The following ELMO1 variants were observed in gnomAD, a reference collection of about 807,000 sequenced individuals.
ELMO1 encodes engulfment and cell motility 1.
Under a neutral mutation model 98.9 loss-of-function variants are expected in ELMO1, and 26 were observed. That is an observed-to-expected ratio of 0.26 (90% CI 0.19 to 0.36). The LOEUF is 0.36. Among genes scored for constraint, ELMO1 ranks in the 10% least tolerant of loss-of-function variants. The pLI is 1.00. For missense variants in ELMO1, 627 were observed against 935.2 expected (o/e 0.67, Z 4.30); for synonymous variants, 346 against 346.0 (o/e 1.00, Z 0.00).
intron 20 of ELMO1, 63 bp from the exon 21 acceptor site, chr7:36,861,799 A>C: frequency 6.6e-7 from 1 of 1,506,026 alleles, no homozygotes; most frequent in Non-Finnish European, 9.2e-7. Context: ...TTGCAGTTGC[A>C]AATGGCTGCA....
intron 17 of ELMO1, among the ~76,000 whole-genome samples, chr7:36,890,187 G>A (rs1048877901): frequency 6.6e-6 from 1 of 152,182 alleles, no homozygotes; most frequent in Non-Finnish European, 1.5e-5. Flanking sequence ...CTATCCAAAG[G>A]TCTTGCCAAT....
chr7:37,009,646 AAAG>A (rs1351906910), intron 16 of ELMO1, among the ~76,000 whole-genome samples: 1 of 152,232 alleles, frequency 6.6e-6, no homozygotes, highest in African/African-American at 2.4e-5. Context: ...GTGAGGAGCT[AAAG>A]AAGACAGATA....
chr7:37,412,022 G>GCT (rs143364186), intron 1 of ELMO1, among the ~76,000 whole-genome samples: 11,386 of 152,082 alleles, frequency 0.075, 591 homozygotes, highest in Non-Finnish European at 0.096. Context: ...TCCTACCTCT[G>GCT]CTCTCTCTCA....
chr7:36,960,522 C>T (rs149135801), intron 16 of ELMO1, among the ~76,000 whole-genome samples: 104 of 152,232 alleles, frequency 6.8e-4, no homozygotes, highest in African/African-American at 2.4e-3. Context: ...AGTTCTGTAG[C>T]TCTCTCTTCA....
At position 37,447,714 on chromosome 7, in the gene ELMO1, CCACACACACA is replaced by C. The variant is rs3054415; in HGVS notation, c.-74+951_-74+960del. Among the ~76,000 whole-genome samples the C allele has an allele frequency of 7.9e-3, 1,041 of 132,230 alleles. 12 individuals are homozygous for C. The highest frequency in any genetic ancestry group is 0.018 in the South Asian group (69 of 3,742). The allele number at this position is 132,230 out of a possible 152,430, so 86.7% of individuals were successfully genotyped here. On this transcript the variant is annotated intron_variant, in intron 1 of 21. Coordinates refer to ENST00000310758, the MANE Select transcript of ELMO1 (RefSeq NM_014800.11). ...ACATACATACGCGCGCGCGCACACACCACACACACACACACACACACACACACACACACAC... is the reference window on the plus strand; with the variant it reads ...ACATACATACGCGCGCGCGCACACACCACACACACACACACACACACACAC...
intron 16 of ELMO1, among the ~76,000 whole-genome samples, chr7:36,950,192 A>C (rs1168664947): frequency 6.6e-6 from 1 of 152,194 alleles, no homozygotes; most frequent in Admixed American, 6.5e-5. Context: ...GGACAGCTGG[A>C]GATGAGCGAC....
intron 6 of ELMO1, among the ~76,000 whole-genome samples, chr7:37,246,563 C>A (rs1476600894): frequency 6.6e-6 from 1 of 152,120 alleles, no homozygotes; most frequent in African/African-American, 2.4e-5. Context: ...CAAAGACATA[C>A]AATATGGGTC....
chr7:37,077,983 A>T (rs17170866), intron 15 of ELMO1, among the ~76,000 whole-genome samples: 2 of 152,018 alleles, frequency 1.3e-5, no homozygotes, highest in African/African-American at 2.4e-5. Context: ...TTATGTCATA[A>T]GTAATGTCTA....
At chr7:37,034,166 T>A (rs1184846617) in intron 15 of ELMO1, among the ~76,000 whole-genome samples, 4 of 152,200 alleles carry the variant, frequency 2.6e-5, no homozygotes, top group African/African-American at 7.2e-5. Context: ...TACCTCAGAA[T>A]GTGACTGTGT....
At chr7:36,953,045 C>T (rs1788118809) in intron 16 of ELMO1, among the ~76,000 whole-genome samples, 1 of 145,870 alleles carries the variant, frequency 6.9e-6, no homozygotes, top group African/African-American at 2.5e-5. Flanking sequence ...GATCTCGGCT[C>T]AGGGCAAGCT....
intron 14 of ELMO1, among the ~76,000 whole-genome samples, chr7:37,131,640 C>G (rs1786927158): frequency 6.6e-6 from 1 of 152,148 alleles, no homozygotes; most frequent in South Asian, 2.1e-4. Context: ...TTACTTACTA[C>G]AAAAGCAGAT....
chr7:37,136,381 G>C lies in ELMO1; in HGVS notation c.1087-3147C>G, dbSNP rs117713548. Among the ~76,000 whole-genome samples, 686 of 152,208 alleles carry C rather than the reference G, an allele frequency of 4.5e-3. 3 individuals carry two copies. Among genetic ancestry groups the C allele is most frequent in the Non-Finnish European group, 7.5e-3 (507 of 68,008 alleles). ...AATACAAGAAGCCCAAAGAACACCT[G>C]GTAAATTCATCACAAAAACATCATC... is the stretch of plus-strand genomic sequence containing the variant. On this transcript the variant is annotated intron_variant, in intron 13 of 21. Coordinates refer to ENST00000310758, the MANE Select transcript of ELMO1 (RefSeq NM_014800.11).
intron 6 of ELMO1, among the ~76,000 whole-genome samples, chr7:37,246,931 TC>T (rs1795046639): frequency 6.6e-6 from 1 of 152,144 alleles, no homozygotes; most frequent in Non-Finnish European, 1.5e-5. Flanking sequence ...TGACTTCCTT[TC>T]CACTGGTGGA....
chr7:37,292,237 C>G (rs1323754360), intron 4 of ELMO1, among the ~76,000 whole-genome samples: 1 of 100,062 alleles, frequency 1.0e-5, no homozygotes, highest in East Asian at 2.4e-4. Flanking sequence ...GACGGAGTCT[C>G]GTTCACTCAG....
intron 15 of ELMO1, among the ~76,000 whole-genome samples, chr7:37,034,866 A>G (rs1222631532): frequency 1.3e-5 from 2 of 152,190 alleles, no homozygotes; most frequent in African/African-American, 4.8e-5. Flanking sequence ...CAATCCAGAA[A>G]AAGTGTTCTT....
chr7:37,426,428 A>G (rs1334712012), intron 1 of ELMO1, among the ~76,000 whole-genome samples: 3 of 152,146 alleles, frequency 2.0e-5, no homozygotes, highest in South Asian at 2.1e-4. Flanking sequence ...GTGCTGGGTT[A>G]CAGGTGTGAG....
intron 16 of ELMO1, among the ~76,000 whole-genome samples, chr7:36,915,936 G>A (rs990499987): frequency 3.3e-5 from 5 of 152,280 alleles, no homozygotes; most frequent in Admixed American, 3.3e-4. Context: ...TAACTGATGT[G>A]GTGTTTATTT....
chr7:37,143,367 C>T (rs143683691), intron 13 of ELMO1, among the ~76,000 whole-genome samples: 2 of 152,298 alleles, frequency 1.3e-5, no homozygotes, highest in African/African-American at 4.8e-5. Context: ...CCTCAATCAA[C>T]GTTATTCCCT....
chr7:36,938,838 C>T (rs1038029139), intron 16 of ELMO1, among the ~76,000 whole-genome samples: 4 of 151,968 alleles, frequency 2.6e-5, no homozygotes, highest in South Asian at 4.1e-4. Context: ...TGTTCAGTGA[C>T]GTCAATTTTC....
Sources: allele counts gnomAD v4.1 joint callset (sites outside exome capture counted in the v4.1 genomes callset), GRCh38; gene constraint gnomAD v4.1.1; transcripts MANE v1.5; gene names NCBI Gene and HGNC (gene_info 2026-07-23, HGNC 2026-07-21).